Variants in ARB2A observed in about 807,000 individuals in gnomAD.
ARB2A encodes the protein ARB2 cotranscriptional regulator A, also known as cotranscriptional regulator ARB2A.
At chr5:93,683,814 A>C in the ARB2A span, 3 of 989,410 alleles carry the variant, frequency 3.0e-6, no homozygotes, top group Non-Finnish European at 4.6e-6. Flanking sequence ...CACACCAGGC[A>C]AAAAGTTTTT....
chr5:93,725,389 C>A, the ARB2A span, among the ~76,000 whole-genome samples: 2 of 151,944 alleles, frequency 1.3e-5, no homozygotes, highest in Non-Finnish European at 2.9e-5. Context: ...AAATCATAAG[C>A]AACAAAGTTA....
At chr5:93,719,900 T>C in the ARB2A span, among the ~76,000 whole-genome samples, 2 of 152,192 alleles carry the variant, frequency 1.3e-5, no homozygotes, top group African/African-American at 4.8e-5. Flanking sequence ...TCTTTTCTCA[T>C]TTTCCTTATG....
the ARB2A span, among the ~76,000 whole-genome samples, chr5:93,925,385 C>A: frequency 6.6e-6 from 1 of 152,076 alleles, no homozygotes; most frequent in East Asian, 1.9e-4. Context: ...TTGTGGTAAA[C>A]AAAACATGTC....
the ARB2A span, chr5:94,050,871 A>G: frequency 3.0e-6 from 4 of 1,338,334 alleles, no homozygotes; most frequent in South Asian, 1.3e-5. Flanking sequence ...ACTTCAAAGT[A>G]TATTGACAAT....
chr5:94,084,768 A>G, the ARB2A span, among the ~76,000 whole-genome samples: 3 of 152,314 alleles, frequency 2.0e-5, no homozygotes, highest in Non-Finnish European at 4.4e-5. Flanking sequence ...TGGGGAAAAC[A>G]GGGATTTTTT....
chr5:93,788,862 A>C, the ARB2A span, among the ~76,000 whole-genome samples: 6 of 152,176 alleles, frequency 3.9e-5, no homozygotes, highest in Non-Finnish European at 8.8e-5. Flanking sequence ...AACTCAATTC[A>C]ATCTCCCAAC....
the ARB2A span, among the ~76,000 whole-genome samples, chr5:93,722,161 T>G: frequency 1.3e-5 from 2 of 152,222 alleles, no homozygotes; most frequent in East Asian, 3.9e-4. Flanking sequence ...AGGCGGAGGA[T>G]TCATGGGAAG....
At chr5:94,107,551 G>T in the ARB2A span, among the ~76,000 whole-genome samples, 1 of 148,364 alleles carries the variant, frequency 6.7e-6, no homozygotes, top group East Asian at 2.0e-4. Context: ...AAAAAAAGAC[G>T]TTGTTACCTT....
the ARB2A span, among the ~76,000 whole-genome samples, chr5:93,758,603 A>G: frequency 6.6e-6 from 1 of 152,198 alleles, no homozygotes; most frequent in African/African-American, 2.4e-5. Context: ...CTTCAAAACC[A>G]TGCAAATACA....
the ARB2A span, among the ~76,000 whole-genome samples, chr5:93,878,698 G>C: frequency 6.6e-6 from 1 of 151,908 alleles, no homozygotes; most frequent in African/African-American, 2.4e-5. Context: ...TTAAGAAACA[G>C]AGTCCATTAA....
the ARB2A span, among the ~76,000 whole-genome samples, chr5:93,682,369 A>G: frequency 6.6e-6 from 1 of 152,140 alleles, no homozygotes; most frequent in Non-Finnish European, 1.5e-5. Flanking sequence ...TTAACTTCAG[A>G]TAACACAAGG....
chr5:94,009,387 T>C, the ARB2A span, among the ~76,000 whole-genome samples: 4 of 151,998 alleles, frequency 2.6e-5, no homozygotes, highest in African/African-American at 4.8e-5. Context: ...GTGAATTTGC[T>C]ACTCAAAGTT....
chr5:93,931,795 C>A, the ARB2A span, among the ~76,000 whole-genome samples: 1 of 151,878 alleles, frequency 6.6e-6, no homozygotes, highest in African/African-American at 2.4e-5. Context: ...CCACCCACTC[C>A]TTTAAGTATA....
chr5:93,978,020 C>G, the ARB2A span, among the ~76,000 whole-genome samples: 10 of 152,042 alleles, frequency 6.6e-5, no homozygotes, highest in Non-Finnish European at 1.2e-4. Flanking sequence ...AAAAAATGCT[C>G]AAATCACTAA....
the ARB2A span, among the ~76,000 whole-genome samples, chr5:93,768,230 C>G: frequency 2.6e-5 from 4 of 150,982 alleles, no homozygotes; most frequent in South Asian, 8.3e-4. Flanking sequence ...GGATAAAATA[C>G]TACAAATATG....
chr5:93,803,883 T>C, the ARB2A span, among the ~76,000 whole-genome samples: 1 of 151,944 alleles, frequency 6.6e-6, no homozygotes, highest in Non-Finnish European at 1.5e-5. Flanking sequence ...GCCTGTTGCA[T>C]GAAAGAGATG....
chr5:93,862,696 T>C, the ARB2A span: 1 of 151,680 alleles, frequency 6.6e-6, no homozygotes, highest in Non-Finnish European at 1.5e-5. Flanking sequence ...AGAGAGAGAG[T>C]CAAGAAAAGT....
At chr5:93,685,392 G>A in the ARB2A span, among the ~76,000 whole-genome samples, 2 of 152,112 alleles carry the variant, frequency 1.3e-5, no homozygotes, top group Non-Finnish European at 2.9e-5. Context: ...AAAAGACTCT[G>A]ATAATAATCT....
At chr5:93,634,836 C>T in the ARB2A span, among the ~76,000 whole-genome samples, 22,904 of 151,882 alleles carry the variant, frequency 0.15, 2,024 homozygotes, top group Middle Eastern at 0.24. Flanking sequence ...AGTGCAAGGG[C>T]GTGATCTTGG....
Sources: allele counts gnomAD v4.1 joint callset (sites outside exome capture counted in the v4.1 genomes callset), GRCh38; gene constraint gnomAD v4.1.1; transcripts MANE v1.5; gene names NCBI Gene and HGNC (gene_info 2026-07-23, HGNC 2026-07-21).